Variants in DPP10 observed in about 807,000 individuals in gnomAD.
The protein encoded by DPP10 is dipeptidyl peptidase like 10, also known as inactive dipeptidyl peptidase 10.
In DPP10, 33 loss-of-function variants were observed where a neutral mutation model predicts 120.9. The observed-to-expected ratio is 0.27, with a 90% CI of 0.21 to 0.37. DPP10 has a LOEUF of 0.37. Ranked by LOEUF, DPP10 falls within the 10% of genes least tolerant of loss-of-function variation. The probability of loss-of-function intolerance (pLI) is 1.00; values close to 1 mark genes in which losing one functional copy is unlikely to be tolerated. For missense variants in DPP10, 816 were observed against 942.8 expected (o/e 0.87, Z 1.76); for synonymous variants, 337 against 326.1 (o/e 1.03, Z -0.36).
chr2:115,047,005 A>C (rs1028525288), intron 1 of DPP10, among the ~76,000 whole-genome samples: 4 of 152,000 alleles, frequency 2.6e-5, no homozygotes, highest in Non-Finnish European at 4.4e-5. Flanking sequence ...ACTCTCATTC[A>C]ATTCAGCTCA....
intron 1 of DPP10, among the ~76,000 whole-genome samples, chr2:115,038,679 A>T (rs886727087): frequency 6.6e-6 from 1 of 152,162 alleles, no homozygotes; most frequent in South Asian, 2.1e-4. Flanking sequence ...CTACGTATTG[A>T]TGAGTCTCCT....
chr2:114,924,702 G>C (rs1695470630), intron 1 of DPP10, among the ~76,000 whole-genome samples: 3 of 152,000 alleles, frequency 2.0e-5, no homozygotes, highest in African/African-American at 7.2e-5. Flanking sequence ...ACACCAGCAT[G>C]ATCTCTTTCT....
chr2:115,376,685 A>G (rs1266373702), intron 3 of DPP10, among the ~76,000 whole-genome samples: 11 of 146,850 alleles, frequency 7.5e-5, no homozygotes, highest in East Asian at 2.1e-4. Context: ...ATATCTCCCA[A>G]TGCTATCCAT....
chr2:114,751,578 A>G (rs575182648), intron 1 of DPP10, among the ~76,000 whole-genome samples: 3 of 152,324 alleles, frequency 2.0e-5, no homozygotes, highest in African/African-American at 2.4e-5. Context: ...ATGAGATACA[A>G]TAAGTCCCTA....
chr2:115,651,435 G>C (rs189975688), intron 5 of DPP10, among the ~76,000 whole-genome samples: 1 of 152,086 alleles, frequency 6.6e-6, no homozygotes, highest in East Asian at 1.9e-4. Flanking sequence ...TTCTAAAATG[G>C]TTTGCTCAAG....
At chr2:115,801,044 A>C (rs562730300) in intron 19 of DPP10, among the ~76,000 whole-genome samples, 1,904 of 151,994 alleles carry the variant, frequency 0.013, 14 homozygotes, top group African/African-American at 0.041. Context: ...CATTTTCACG[A>C]TATTGATTCT....
chr2:114,651,045 T>C (rs553546626), intron 1 of DPP10, among the ~76,000 whole-genome samples: 1 of 152,300 alleles, frequency 6.6e-6, no homozygotes, highest in Admixed American at 6.5e-5. Flanking sequence ...CACCTATGTA[T>C]TGTTTTGGTC....
rs1187129659 is a variant in DPP10 at position 115,597,109 on chromosome 2, G to A, written c.441+71137G>A. On this transcript the variant is annotated intron_variant, in intron 5 of 25. Coordinates refer to ENST00000410059, the MANE Select transcript of DPP10 (RefSeq NM_020868.6). ...GAATCAAGGATCCCATTTGCACATT[G>A]AATCCTGGGTCCCCCAAAAGAGACA... Among the ~76,000 whole-genome samples the A allele has an allele frequency of 2.0e-5, 3 of 152,074 alleles. No individual in the cohort carries two copies. In the East Asian group the frequency reaches 5.8e-4, roughly 29 times the overall value.
chr2:115,065,148 A>T (rs1045504030), intron 1 of DPP10, among the ~76,000 whole-genome samples: 2 of 152,166 alleles, frequency 1.3e-5, no homozygotes, highest in African/African-American at 4.8e-5. Context: ...CATTACACAT[A>T]ACTCTGTAAC....
chr2:115,270,623 C>T (rs796327148), intron 1 of DPP10, among the ~76,000 whole-genome samples: 3 of 152,196 alleles, frequency 2.0e-5, no homozygotes, highest in East Asian at 1.9e-4. Flanking sequence ...CAAATGACCA[C>T]GTGGGGAGAG....
chr2:114,451,119 A>G (rs2104536322), intron 1 of DPP10, among the ~76,000 whole-genome samples: 1 of 152,050 alleles, frequency 6.6e-6, no homozygotes, highest in African/African-American at 2.4e-5. Context: ...TCAGTGAAAG[A>G]ATTAGGACAG....
At chr2:115,314,046 T>G (rs963338477) in intron 2 of DPP10, among the ~76,000 whole-genome samples, 2 of 152,220 alleles carry the variant, frequency 1.3e-5, no homozygotes, top group African/African-American at 2.4e-5. Flanking sequence ...GCATCTACTT[T>G]GCAATCTTGT....
At chr2:114,797,788 G>T (rs757642104) in intron 1 of DPP10, among the ~76,000 whole-genome samples, 1 of 152,166 alleles carries the variant, frequency 6.6e-6, no homozygotes, top group Admixed American at 6.5e-5. Flanking sequence ...CAGGAGATGC[G>T]ATATAATTCC....
chr2:115,234,125 C>G (rs963088335), intron 1 of DPP10: 1 of 331,336 alleles, frequency 3.0e-6, no homozygotes, highest in African/African-American at 2.3e-5. Context: ...TTTTATAGAT[C>G]TGTGTTTATT....
intron 1 of DPP10, among the ~76,000 whole-genome samples, chr2:115,106,814 G>T (rs182905149): frequency 6.6e-6 from 1 of 152,172 alleles, no homozygotes; most frequent in African/African-American, 2.4e-5. Context: ...GGTGGCTCAC[G>T]CCTGTGATCC....
intron 19 of DPP10, among the ~76,000 whole-genome samples, chr2:115,797,096 A>G (rs182475616): frequency 6.6e-6 from 1 of 152,172 alleles, no homozygotes; most frequent in East Asian, 1.9e-4. Context: ...ACAGTTTATA[A>G]TAGTTTCTGG....
At chr2:114,750,085 T>A (rs1285550333) in intron 1 of DPP10, among the ~76,000 whole-genome samples, 6 of 152,170 alleles carry the variant, frequency 3.9e-5, no homozygotes, top group Non-Finnish European at 4.4e-5. Context: ...TACTTTTTTA[T>A]ATGTTTGTTT....
chr2:114,857,754 G>A (rs781076467), intron 1 of DPP10, among the ~76,000 whole-genome samples: 4 of 152,094 alleles, frequency 2.6e-5, no homozygotes, highest in Non-Finnish European at 4.4e-5. Context: ...CTTATTAAAC[G>A]TAGGGTGCCT....
At chr2:115,834,216 A>G (rs1689216621) in intron 21 of DPP10, among the ~76,000 whole-genome samples, 1 of 152,176 alleles carries the variant, frequency 6.6e-6, no homozygotes, top group Non-Finnish European at 1.5e-5. Flanking sequence ...TTATGTACCA[A>G]TTTTTAAATG....
Sources: allele counts gnomAD v4.1 joint callset (sites outside exome capture counted in the v4.1 genomes callset), GRCh38; gene constraint gnomAD v4.1.1; transcripts MANE v1.5; gene names NCBI Gene and HGNC (gene_info 2026-07-23, HGNC 2026-07-21).